SGCZ: variants seen among roughly 807,000 people sequenced by gnomAD.
SGCZ encodes the protein zeta-sarcoglycan.
In SGCZ, 40 loss-of-function variants were observed where a neutral mutation model predicts 41.3. The observed-to-expected ratio is 0.97, with a 90% CI of 0.75 to 1.26. SGCZ has a LOEUF of 1.26. Ranked by LOEUF, SGCZ falls within the 50% of genes most tolerant of loss-of-function variation. The pLI, the probability that SGCZ is intolerant of heterozygous loss-of-function variation, is 0.00. For synonymous variants in SGCZ, 206 were observed against 137.5 expected (o/e 1.50, Z -3.49); for missense variants, 552 against 369.8 (o/e 1.49, Z -4.04).
chr8:14,557,024 G>C (rs763985013), intron 1 of SGCZ, among the ~76,000 whole-genome samples: 1 of 152,002 alleles, frequency 6.6e-6, no homozygotes, highest in African/African-American at 2.4e-5. Flanking sequence ...TTTCCATAAT[G>C]TTTGTACTAG....
intron 1 of SGCZ, among the ~76,000 whole-genome samples, chr8:14,709,535 C>CA (rs1274138309): frequency 3.3e-5 from 5 of 152,076 alleles, no homozygotes; most frequent in Non-Finnish European, 7.4e-5. Flanking sequence ...AGAATTCAGT[C>CA]AATAGGTTTG....
At chr8:14,464,355 T>C (rs2116960841) in intron 2 of SGCZ, among the ~76,000 whole-genome samples, 1 of 151,686 alleles carries the variant, frequency 6.6e-6, no homozygotes, top group South Asian at 2.1e-4. Context: ...TTCTATGAAG[T>C]TGTCCATTTC....
chr8:15,112,164 G>A (rs74493711), intron 1 of SGCZ, among the ~76,000 whole-genome samples: 9,609 of 152,228 alleles, frequency 0.063, 1,040 homozygotes, highest in African/African-American at 0.22. Context: ...AGAAGGCCTT[G>A]ACTCTTTCAC....
intron 1 of SGCZ, among the ~76,000 whole-genome samples, chr8:15,003,226 G>C (rs563984420): frequency 6.6e-6 from 1 of 152,318 alleles, no homozygotes; most frequent in Non-Finnish European, 1.5e-5. Context: ...AGAGCAGAGA[G>C]TTTATATAGG....
chr8:14,204,249 C>T (rs988223747), intron 4 of SGCZ, among the ~76,000 whole-genome samples: 1 of 149,328 alleles, frequency 6.7e-6, no homozygotes, highest in South Asian at 2.1e-4. Context: ...ATGGATCTTG[C>T]TATTTGGGTT....
chr8:14,806,540 G>A (rs939450846), intron 1 of SGCZ, among the ~76,000 whole-genome samples: 1 of 152,190 alleles, frequency 6.6e-6, no homozygotes, highest in Non-Finnish European at 1.5e-5. Flanking sequence ...GGAGGAAGTT[G>A]AATCTCTGAA....
chr8:15,139,121 G>A (rs1808224349), intron 1 of SGCZ, among the ~76,000 whole-genome samples: 1 of 152,106 alleles, frequency 6.6e-6, no homozygotes, highest in Admixed American at 6.5e-5. Flanking sequence ...GAACATGAAT[G>A]CCTTTGCTGA....
At chr8:14,359,689 G>A (rs887729836) in intron 2 of SGCZ, among the ~76,000 whole-genome samples, 6 of 151,684 alleles carry the variant, frequency 4.0e-5, no homozygotes, top group African/African-American at 1.5e-4. Context: ...ATTGAAGCTG[G>A]AGAAACATTT....
intron 1 of SGCZ, among the ~76,000 whole-genome samples, chr8:14,703,171 T>A (rs1333047299): frequency 1.3e-5 from 2 of 151,932 alleles, no homozygotes; most frequent in Non-Finnish European, 2.9e-5. Context: ...TGGCTTCCTA[T>A]CACAATGAAA....
chr8:14,474,202 G>A (rs1463713411), intron 2 of SGCZ, among the ~76,000 whole-genome samples: 3 of 152,144 alleles, frequency 2.0e-5, no homozygotes, highest in African/African-American at 4.8e-5. Flanking sequence ...CACAACTGAT[G>A]TACTAAAGAT....
At chr8:14,165,282 G>A (rs1804173769) in intron 4 of SGCZ, 1 of 151,988 alleles carries the variant, frequency 6.6e-6, no homozygotes, top group South Asian at 2.1e-4. Context: ...TTTCCTTAGT[G>A]GTACCTAATG....
chr8:14,773,257 A>G (rs919226695), intron 1 of SGCZ, among the ~76,000 whole-genome samples: 12 of 152,276 alleles, frequency 7.9e-5, no homozygotes, highest in African/African-American at 2.6e-4. Context: ...TATCTTTCAA[A>G]GAACATAATG....
At chr8:14,215,949 G>A (rs1015435024) in intron 4 of SGCZ, among the ~76,000 whole-genome samples, 31 of 152,212 alleles carry the variant, frequency 2.0e-4, no homozygotes, top group East Asian at 7.7e-4. Context: ...GAAAGAGTGG[G>A]CTAGGGGACC....
intron 1 of SGCZ, among the ~76,000 whole-genome samples, chr8:15,194,083 A>G (rs765485717): frequency 1.3e-5 from 2 of 152,126 alleles, no homozygotes; most frequent in South Asian, 4.1e-4. Flanking sequence ...AAGACAAAAC[A>G]TAGAGTTATT....
intron 1 of SGCZ, among the ~76,000 whole-genome samples, chr8:14,821,670 C>G (rs111827926): frequency 9.9e-5 from 15 of 152,164 alleles, no homozygotes; most frequent in African/African-American, 3.4e-4. Flanking sequence ...ATACCCAAAT[C>G]ATTAAATGTG....
At chr8:14,486,126 C>T (rs149954655) in intron 2 of SGCZ, among the ~76,000 whole-genome samples, 1,941 of 152,290 alleles carry the variant, frequency 0.013, 24 homozygotes, top group South Asian at 0.026. Context: ...TTAGCATGCT[C>T]GTTTTTCCCC....
intron 1 of SGCZ, among the ~76,000 whole-genome samples, chr8:14,972,424 C>T (rs376481100): frequency 1.3e-5 from 2 of 152,180 alleles, no homozygotes; most frequent in South Asian, 2.1e-4. Flanking sequence ...TTCTTGTAGG[C>T]AGCATGGAAT....
intron 3 of SGCZ, among the ~76,000 whole-genome samples, chr8:14,318,871 C>G (rs1801816008): frequency 6.6e-6 from 1 of 150,838 alleles, no homozygotes; most frequent in Non-Finnish European, 1.5e-5. Flanking sequence ...AACTCATAGA[C>G]AGTAAAAAAT....
At chr8:14,535,522 A>T (rs1359567294) in intron 2 of SGCZ, among the ~76,000 whole-genome samples, 1 of 152,076 alleles carries the variant, frequency 6.6e-6, no homozygotes, top group East Asian at 1.9e-4. Context: ...AATTAAAATT[A>T]TTTCATCTAC....
Sources: gnomAD v4.1 joint callset for allele counts (sites outside exome capture counted in the v4.1 genomes callset) on GRCh38, gnomAD v4.1.1 for gene constraint, MANE v1.5 for transcripts, NCBI Gene and HGNC (gene_info 2026-07-23, HGNC 2026-07-21) for gene names.